FSTL4: variants seen among roughly 807,000 people sequenced by gnomAD.
FSTL4 encodes follistatin like 4, also known as follistatin-related protein 4.
Under a neutral mutation model 78.2 loss-of-function variants are expected in FSTL4, and 28 were observed. The observed-to-expected ratio is 0.36, with a 90% CI of 0.27 to 0.49. FSTL4 has a LOEUF of 0.49. Ranked by LOEUF, FSTL4 falls within the 20% of genes least tolerant of loss-of-function variation. The probability of loss-of-function intolerance (pLI) is 0.98; values close to 1 mark genes in which losing one functional copy is unlikely to be tolerated. For missense variants in FSTL4, 922 were observed against 1,084.9 expected (o/e 0.85, Z 2.11); for synonymous variants, 422 against 440.5 (o/e 0.96, Z 0.53).
chr5:133,214,104 T>C (rs1750828913), intron 13 of FSTL4, among the ~76,000 whole-genome samples: 1 of 152,208 alleles, frequency 6.6e-6, no homozygotes, highest in African/African-American at 2.4e-5. Context: ...AACACACCTC[T>C]CTGCAGCTGA....
At chr5:133,221,727 A>AAGC (rs1751111619) in intron 11 of FSTL4, among the ~76,000 whole-genome samples, 1 of 151,944 alleles carries the variant, frequency 6.6e-6, no homozygotes, top group African/African-American at 2.4e-5. Context: ...AAGGAGATGT[A>AAGC]AGCTCTAGAG....
At chr5:133,459,751 C>T (rs975933756) in intron 3 of FSTL4, among the ~76,000 whole-genome samples, 6 of 137,930 alleles carry the variant, frequency 4.4e-5, no homozygotes, top group African/African-American at 1.5e-4. Flanking sequence ...TAAGCGTCAA[C>T]TCAGGCTTTG....
At chr5:133,307,548 T>A (rs1753682891) in intron 6 of FSTL4, among the ~76,000 whole-genome samples, 1 of 152,162 alleles carries the variant, frequency 6.6e-6, no homozygotes, top group African/African-American at 2.4e-5. Flanking sequence ...ATGCTGGGTA[T>A]CACTTTATAC....
intron 4 of FSTL4, among the ~76,000 whole-genome samples, chr5:133,322,261 ACC>A (rs869218680): frequency 1.1e-3 from 37 of 34,020 alleles, no homozygotes; most frequent in South Asian, 2.5e-3. Flanking sequence ...ACCCACACCC[ACC>A]CACACCCACA....
the FSTL4 span, among the ~76,000 whole-genome samples, chr5:133,796,817 T>G: frequency 6.6e-6 from 1 of 152,134 alleles, no homozygotes; most frequent in African/African-American, 2.4e-5. Context: ...ATTTAGGGCC[T>G]CGGGTATCCA....
At chr5:133,500,149 C>A (rs1758461415) in intron 3 of FSTL4, among the ~76,000 whole-genome samples, 2 of 152,134 alleles carry the variant, frequency 1.3e-5, no homozygotes, top group Non-Finnish European at 2.9e-5. Context: ...CTTTTTATTG[C>A]CTGGGCCTGG....
At chr5:133,512,112 C>A (rs1364869394) in intron 3 of FSTL4, among the ~76,000 whole-genome samples, 3 of 152,260 alleles carry the variant, frequency 2.0e-5, no homozygotes, top group African/African-American at 7.2e-5. Context: ...CAGGCCCACA[C>A]TGGGCAAGGC....
chr5:133,228,750 T>A (rs1751405254), intron 8 of FSTL4, among the ~76,000 whole-genome samples: 1 of 152,232 alleles, frequency 6.6e-6, no homozygotes, highest in African/African-American at 2.4e-5. Context: ...GATATTTTCT[T>A]CGTGCAATGC....
the FSTL4 span, among the ~76,000 whole-genome samples, chr5:133,733,663 C>T: frequency 6.6e-6 from 1 of 152,174 alleles, no homozygotes; most frequent in African/African-American, 2.4e-5. Flanking sequence ...AATAACAACT[C>T]CATTAGTTAT....
chr5:133,747,374 A>G, the FSTL4 span, among the ~76,000 whole-genome samples: 2 of 152,228 alleles, frequency 1.3e-5, no homozygotes, highest in African/African-American at 2.4e-5. Context: ...ATTCTATCAG[A>G]GCTGTGGCAC....
the FSTL4 span, among the ~76,000 whole-genome samples, chr5:133,741,367 C>T: frequency 6.6e-6 from 1 of 152,208 alleles, no homozygotes. Context: ...CACAAACTGC[C>T]CCTCAAGGCC....
chr5:133,470,802 AAAAAT>A (rs1561730054), intron 3 of FSTL4, among the ~76,000 whole-genome samples: 3 of 143,156 alleles, frequency 2.1e-5, no homozygotes. Flanking sequence ...AAAATAAAAT[AAAAAT>A]AAATAAATAA....
At chr5:133,780,611 C>G in the FSTL4 span, among the ~76,000 whole-genome samples, 1 of 152,196 alleles carries the variant, frequency 6.6e-6, no homozygotes, top group Non-Finnish European at 1.5e-5. Context: ...TTAATACTGC[C>G]TGGAGCATAG....
chr5:133,574,278 T>C (rs997214461), intron 2 of FSTL4, among the ~76,000 whole-genome samples: 2 of 152,216 alleles, frequency 1.3e-5, no homozygotes, highest in African/African-American at 2.4e-5. Context: ...AAACCACATA[T>C]AATAGATGAC....
At chr5:133,446,455 G>T (rs181595157) in intron 3 of FSTL4, among the ~76,000 whole-genome samples, 1 of 152,046 alleles carries the variant, frequency 6.6e-6, no homozygotes, top group African/African-American at 2.4e-5. Flanking sequence ...AACCCCTCAC[G>T]CTCTCGTCCA....
At chr5:133,277,026 A>C (rs1029707631) in intron 6 of FSTL4, among the ~76,000 whole-genome samples, 50 of 152,206 alleles carry the variant, frequency 3.3e-4, no homozygotes, top group African/African-American at 1.1e-3. Context: ...AAGACAGGGT[A>C]ATAGGCTGGG....
intron 7 of FSTL4, chr5:133,244,796 C>T (rs1250023056): frequency 6.6e-6 from 1 of 152,326 alleles, no homozygotes; most frequent in East Asian, 1.9e-4. Flanking sequence ...CATACCAGGT[C>T]CAGGCCCAGG....
At chr5:133,649,309 A>C in the FSTL4 span, among the ~76,000 whole-genome samples, 1 of 152,318 alleles carries the variant, frequency 6.6e-6, no homozygotes, top group Non-Finnish European at 1.5e-5. Context: ...AATATGAATA[A>C]AGCTGCTATA....
intron 3 of FSTL4, among the ~76,000 whole-genome samples, chr5:133,460,228 G>A (rs2112837330): frequency 6.6e-6 from 1 of 152,006 alleles, no homozygotes; most frequent in South Asian, 2.1e-4. Flanking sequence ...TTCTTGCTTT[G>A]TGCGTTTTGT....
Sources: gnomAD v4.1 joint callset for allele counts (sites outside exome capture counted in the v4.1 genomes callset) on GRCh38, gnomAD v4.1.1 for gene constraint, MANE v1.5 for transcripts, NCBI Gene and HGNC (gene_info 2026-07-23, HGNC 2026-07-21) for gene names.